SAMD11: variants seen among roughly 807,000 people sequenced by gnomAD.
SAMD11 encodes sterile alpha motif domain-containing protein 11.
Under a neutral mutation model 64.4 loss-of-function variants are expected in SAMD11, and 77 were observed. That is an observed-to-expected ratio of 1.20 (90% CI 0.99 to 1.44). SAMD11 has a LOEUF of 1.44. SAMD11 is among the 40% of genes most tolerant of loss of function. The pLI is 0.00. For synonymous variants in SAMD11, 658 were observed against 421.9 expected (o/e 1.56, Z -6.86); for missense variants, 1,402 against 943.3 (o/e 1.49, Z -6.37).
At chr1:933,699 C>G (rs958200716) in intron 4 of SAMD11, among the ~76,000 whole-genome samples, 1 of 151,998 alleles carries the variant, frequency 6.6e-6, no homozygotes, top group African/African-American at 2.4e-5. Context: ...CCGATTAATC[C>G]CATAAAGTAC....
chr1:926,214 C>T (rs1411112991), intron 2 of SAMD11, among the ~76,000 whole-genome samples: 1 of 152,238 alleles, frequency 6.6e-6, no homozygotes, highest in Non-Finnish European at 1.5e-5. Context: ...AGTCCTCGGG[C>T]ACCCGAGCGC....
intron 4 of SAMD11, among the ~76,000 whole-genome samples, chr1:935,002 C>T (rs950474866): frequency 1.3e-5 from 2 of 151,942 alleles, no homozygotes. Flanking sequence ...GGCGCCTGGA[C>T]CCTGAGCCCC....
intron 5 of SAMD11, among the ~76,000 whole-genome samples, chr1:936,473 G>C (rs117900791): frequency 6.6e-6 from 1 of 152,092 alleles, no homozygotes; most frequent in Non-Finnish European, 1.5e-5. Flanking sequence ...TGGGGTTCTC[G>C]GGAGGGAAGG....
At chr1:925,811 G>C in intron 1 of SAMD11, 111 bp from the exon 2 acceptor site, 1 of 760,986 alleles carries the variant, frequency 1.3e-6, no homozygotes, top group Non-Finnish European at 2.3e-6. Context: ...GTGGGTGTGG[G>C]GTTCGGGGTG....
rs778182277 is a variant in SAMD11 at position 942,914 on chromosome 1, C to T, written c.1909C>T (p.Pro637Ser). 26 of 1,555,154 alleles carry T rather than the reference C, an allele frequency of 1.7e-5. No homozygotes were observed. The highest frequency in any genetic ancestry group is 1.2e-4 in the Admixed American group (6 of 50,686). Residue 637 changes from proline (P) to serine (S), a missense_variant, in exon 11 of 14, where the codon CCC (proline) becomes TCC (serine). Transcript: ENST00000616016. ...EPPKDSDGED[P>S]ETAAVGCRGP... ...CCCCAAAGACTCGGACGGAGAGGAC[C>T]CCGAGACGGCAGCTGTTGGGTGCAG...
intron 3 of SAMD11, 52 bp from the exon 4 acceptor site, chr1:930,987 T>TCAGGATATCCTGA: frequency 6.3e-7 from 1 of 1,574,842 alleles, no homozygotes; most frequent in Admixed American, 1.7e-5. Context: ...ATCCTGAGGC[T>TCAGGATATCCTGA]GGGGTCAGGG....
chr1:938,349 G>A (rs968989138), intron 5 of SAMD11, among the ~76,000 whole-genome samples: 1 of 152,258 alleles, frequency 6.6e-6, no homozygotes, highest in East Asian at 1.9e-4. Flanking sequence ...CTGGCCTCGT[G>A]GCTGAGGAGG....
Position 943,880 on chromosome 1 carries a change from C to T in SAMD11, c.2290-28C>T, listed in dbSNP as rs752757591. On this transcript the variant is annotated intron_variant, in intron 13 of 13. Transcript: ENST00000616016. Reference sequence around the variant, plus strand: ...CAGAAAGCTCTGGGTGGGTGTGCGACAGCCCCCACCAGGCCATCTCTCTGC... The same window carrying T: ...CAGAAAGCTCTGGGTGGGTGTGCGATAGCCCCCACCAGGCCATCTCTCTGC... 49 of 1,612,848 alleles carry T rather than the reference C, an allele frequency of 3.0e-5. No individual in the cohort carries two copies. In the African/African-American group the frequency reaches 6.4e-4, roughly 21 times the overall value.
chr1:941,098 T>G (rs1428236614), intron 7 of SAMD11, 46 bp from the exon 8 acceptor site: 2 of 1,520,994 alleles, frequency 1.3e-6, no homozygotes, highest in South Asian at 1.2e-5. Flanking sequence ...CTGGGGAGGA[T>G]GAGGGCGCAT....
intron 8 of SAMD11, among the ~76,000 whole-genome samples, chr1:941,891 G>C (rs1315460406): frequency 1.3e-5 from 2 of 152,092 alleles, no homozygotes; most frequent in Non-Finnish European, 2.9e-5. Context: ...AGGCGGGGCC[G>C]GCGCCCCGCG....
chr1:943,164 C>T, intron 11 of SAMD11, 89 bp from the exon 12 acceptor site: 2 of 1,597,014 alleles, frequency 1.3e-6, no homozygotes, highest in Non-Finnish European at 1.7e-6. Flanking sequence ...ACCCATCCCC[C>T]ACCTCAGCAA....
At chr1:942,272 C>G (rs746443617) in intron 9 of SAMD11, 21 bp downstream of exon 9, 29 of 1,055,976 alleles carry the variant, frequency 2.7e-5, no homozygotes, top group Non-Finnish European at 3.7e-5. Flanking sequence ...GGGTGCGCAT[C>G]CCCTGGGAGC....
intron 5 of SAMD11, among the ~76,000 whole-genome samples, chr1:937,847 A>C (rs948192702): frequency 2.0e-5 from 3 of 152,256 alleles, no homozygotes; most frequent in African/African-American, 7.2e-5. Flanking sequence ...GTCAGCTGTA[A>C]TGTGGGATTG....
intron 2 of SAMD11, among the ~76,000 whole-genome samples, chr1:928,381 G>A (rs956978258): frequency 3.3e-5 from 5 of 152,210 alleles, no homozygotes; most frequent in Non-Finnish European, 5.9e-5. Context: ...AACAGAGTGA[G>A]ACTCCGTCTC....
chr1:937,788 G>A (rs899733937), intron 5 of SAMD11, among the ~76,000 whole-genome samples: 4 of 152,364 alleles, frequency 2.6e-5, no homozygotes, highest in East Asian at 1.9e-4. Flanking sequence ...CTCTGGGGCC[G>A]GGCCTGACAG....
At chr1:941,352 C>T in intron 8 of SAMD11, 46 bp downstream of exon 8, 1 of 1,450,818 alleles carries the variant, frequency 6.9e-7, no homozygotes, top group Non-Finnish European at 9.1e-7. Flanking sequence ...GGGTGCCGCC[C>T]GCACCCCCGC....
At chr1:936,206 G>A (rs968091791) in intron 5 of SAMD11, among the ~76,000 whole-genome samples, 4 of 152,172 alleles carry the variant, frequency 2.6e-5, no homozygotes, top group East Asian at 1.9e-4. Flanking sequence ...CTGGAGGAAC[G>A]CACGCACTCC....
At chr1:935,208 A>C (rs1411411403) in intron 4 of SAMD11, among the ~76,000 whole-genome samples, 1 of 152,008 alleles carries the variant, frequency 6.6e-6, no homozygotes, top group Admixed American at 6.5e-5. Flanking sequence ...GGACAGCGGG[A>C]GGTTGGAGCA....
At chr1:942,274 C>T (rs776112394) in intron 9 of SAMD11, 23 bp downstream of exon 9, 18 of 1,065,336 alleles carry the variant, frequency 1.7e-5, no homozygotes, top group Non-Finnish European at 2.1e-5. Flanking sequence ...GTGCGCATCC[C>T]CTGGGAGCCC....
Sources: gnomAD v4.1 joint callset for allele counts (sites outside exome capture counted in the v4.1 genomes callset) on GRCh38, gnomAD v4.1.1 for gene constraint, MANE v1.5 for transcripts, NCBI Gene and HGNC (gene_info 2026-07-23, HGNC 2026-07-21) for gene names.